Variants in FKTN observed in about 807,000 individuals in gnomAD.
FKTN encodes the protein ribitol-5-phosphate transferase FKTN.
Under a neutral mutation model 58.6 loss-of-function variants are expected in FKTN, and 47 were observed. That is an observed-to-expected ratio of 0.80 (90% CI 0.63 to 1.02). The LOEUF is 1.02. Among genes scored for constraint, FKTN ranks in the 50% least tolerant of loss-of-function variants. The probability of loss-of-function intolerance (pLI) is 0.00; values close to 1 mark genes in which losing one functional copy is unlikely to be tolerated. For missense variants in FKTN, 516 were observed against 537.3 expected (o/e 0.96, Z 0.39); for synonymous variants, 178 against 191.9 (o/e 0.93, Z 0.60).
chr9:105,581,753 C>T (rs1224870051), intron 3 of FKTN, among the ~76,000 whole-genome samples: 1 of 152,200 alleles, frequency 6.6e-6, no homozygotes, highest in Non-Finnish European at 1.5e-5. Context: ...ATGGCGGGCG[C>T]CCCTCCCCCA....
rs1830597606 is a variant in FKTN at position 105,615,179 on chromosome 9, C to G, written c.781-99C>G. 3.0e-6 allele frequency: 4 copies of G among 1,332,904 alleles called. No homozygotes were observed. The South Asian group carries it at 4.7e-5, about 16-fold the overall frequency. 82.6% of individuals were successfully genotyped at this position (1,332,904 alleles called of 1,614,324 possible). On this transcript the variant is annotated intron_variant, in intron 7 of 10. Transcript: ENST00000357998. ...GGTTACAGGCGTGAGCCACTGTGCC[C>G]AGCCTGGGGTTAATTTTCAAATTTA... is the stretch of plus-strand genomic sequence containing the variant.
intron 10 of FKTN, among the ~76,000 whole-genome samples, chr9:105,631,191 C>T (rs553954205): frequency 1.2e-3 from 178 of 152,134 alleles, no homozygotes; most frequent in African/African-American, 4.1e-3. Flanking sequence ...ATAACAAAAA[C>T]CTAGAGTGAG....
Position 105,637,727 on chromosome 9 carries a change from T to G in FKTN, c.*2463T>G. 5 of 985,374 alleles carry G rather than the reference T, an allele frequency of 5.1e-6. No individual in the cohort carries two copies. Among genetic ancestry groups the G allele is most frequent in the Non-Finnish European group, 6.0e-6 (5 of 829,922 alleles). The allele number at this position is 985,374 out of a possible 1,614,324, so 61.0% of individuals were successfully genotyped here. ...CAACTTGTTGGTAGTTAGGCACCCA[T>G]GAATGTCTCCAGAGACATCCTGAGA... On this transcript the variant is annotated 3_prime_UTR_variant, in exon 11 of 11. Transcript: ENST00000357998.
chr9:105,611,565 C>T (rs1220305524), intron 7 of FKTN, among the ~76,000 whole-genome samples: 1 of 152,124 alleles, frequency 6.6e-6, no homozygotes, highest in South Asian at 2.1e-4. Context: ...GTGTTCTCAT[C>T]ATTTAGCTCC....
chr9:105,621,424 C>A (rs565041208), intron 10 of FKTN, among the ~76,000 whole-genome samples: 10 of 152,124 alleles, frequency 6.6e-5, no homozygotes, highest in African/African-American at 2.4e-4. Flanking sequence ...AAAGCTAGTT[C>A]AAGGGTCTTT....
chr9:105,559,879 C>G (rs1187505183), intron 1 of FKTN, among the ~76,000 whole-genome samples: 1 of 151,930 alleles, frequency 6.6e-6, no homozygotes. Context: ...AGGCCATACC[C>G]ACAGAGAGGA....
At chr9:105,598,721 C>G in intron 4 of FKTN, 1 of 152,088 alleles carries the variant, frequency 6.6e-6, no homozygotes. Context: ...AGAATCTCTG[C>G]TTGACCCTGA....
chr9:105,601,711 C>CT (rs1244158526), intron 5 of FKTN, among the ~76,000 whole-genome samples: 1 of 152,078 alleles, frequency 6.6e-6, no homozygotes, highest in Admixed American at 6.6e-5. Flanking sequence ...AAAGATTCTG[C>CT]TTTTTTGCTG....
At chr9:105,574,889 C>A (rs966402869) in intron 2 of FKTN, 56 bp from the exon 3 acceptor site, 14 of 658,524 alleles carry the variant, frequency 2.1e-5, no homozygotes, top group African/African-American at 1.8e-4. Flanking sequence ...TTGGTTATTA[C>A]AGGTACAAAA....
chr9:105,578,277 GC>G (rs1281752962), intron 3 of FKTN, among the ~76,000 whole-genome samples: 2 of 148,706 alleles, frequency 1.3e-5, no homozygotes, highest in Admixed American at 6.8e-5. Flanking sequence ...TCCAGTTTTT[GC>G]CCATTCAGTA....
At chr9:105,616,302 T>C (rs746797061) in intron 8 of FKTN, among the ~76,000 whole-genome samples, 5 of 152,276 alleles carry the variant, frequency 3.3e-5, no homozygotes, top group Middle Eastern at 3.4e-3. Context: ...AAACCCTCTA[T>C]TTCTTTACTT....
intron 8 of FKTN, among the ~76,000 whole-genome samples, chr9:105,616,813 A>G (rs2133133329): frequency 6.6e-6 from 1 of 152,010 alleles, no homozygotes. Flanking sequence ...CGGTTATCCT[A>G]TCTATTAGCC....
At chr9:105,627,366 T>C (rs868000091) in intron 10 of FKTN, among the ~76,000 whole-genome samples, 3 of 152,196 alleles carry the variant, frequency 2.0e-5, no homozygotes, top group Non-Finnish European at 4.4e-5. Context: ...GTGTCCTGTT[T>C]AAGAAATCTT....
chr9:105,617,849 T>C lies in FKTN; in HGVS notation c.911-110T>C, dbSNP rs545252550. 3.6e-4 allele frequency: 264 copies of C among 729,312 alleles called. No individual in the cohort carries two copies. The African/African-American group carries it at 4.0e-3, about 11-fold the overall frequency. 45.2% of individuals were successfully genotyped at this position (729,312 alleles called of 1,614,324 possible). A position where few individuals can be genotyped will look rare whatever the true frequency, so the allele number is the denominator to read the frequency against. ...CAGCCTGGGCAATATAGTGAGACTC[T>C]GTCTCTTTAAAAAAAAAGAAAAAAA... On this transcript the variant is annotated intron_variant, in intron 8 of 10. Transcript: ENST00000357998.
intron 4 of FKTN, among the ~76,000 whole-genome samples, chr9:105,599,152 A>G (rs956414429): frequency 6.6e-6 from 1 of 152,188 alleles, no homozygotes; most frequent in Non-Finnish European, 1.5e-5. Context: ...CAAGTTGAGG[A>G]TGTATTTTAT....
chr9:105,606,538 C>T (rs1334686103), intron 6 of FKTN, among the ~76,000 whole-genome samples: 1 of 151,670 alleles, frequency 6.6e-6, no homozygotes, highest in African/African-American at 2.4e-5. Flanking sequence ...CTTTGAATAG[C>T]AGAATCTGAT....
chr9:105,628,342 T>A (rs1020377053), intron 10 of FKTN, among the ~76,000 whole-genome samples: 3 of 152,166 alleles, frequency 2.0e-5, no homozygotes, highest in Non-Finnish European at 4.4e-5. Flanking sequence ...AATTGAGGAA[T>A]TGAGGGAAGA....
chr9:105,631,951 A>G (rs1316246284), intron 10 of FKTN, among the ~76,000 whole-genome samples: 126 of 139,674 alleles, frequency 9.0e-4, no homozygotes, highest in African/African-American at 2.4e-3. Flanking sequence ...TCATGCTGCT[A>G]TAAAGACACA....
chr9:105,578,121 A>G (rs1418818700), intron 3 of FKTN, among the ~76,000 whole-genome samples: 4 of 151,602 alleles, frequency 2.6e-5, no homozygotes, highest in South Asian at 4.1e-4. Context: ...GCAAACAGGG[A>G]CAGTTTGACT....
Sources: allele counts gnomAD v4.1 joint callset (sites outside exome capture counted in the v4.1 genomes callset), GRCh38; gene constraint gnomAD v4.1.1; transcripts MANE v1.5; gene names NCBI Gene and HGNC (gene_info 2026-07-23, HGNC 2026-07-21).